PGAP6: variants seen among roughly 807,000 people sequenced by gnomAD.
PGAP6 encodes post-GPI attachment to proteins factor 6.
A neutral mutation model predicts 68.4 loss-of-function variants in PGAP6; 62 were observed. The ratio of observed to expected loss-of-function variants is 0.91; its 90% confidence interval spans 0.74 to 1.12. The LOEUF (loss-of-function observed/expected upper bound fraction) is 1.12. PGAP6 is among the 50% of genes most tolerant of loss of function. The probability of loss-of-function intolerance (pLI) is 0.00; values close to 1 mark genes in which losing one functional copy is unlikely to be tolerated. For synonymous variants in PGAP6, 575 were observed against 474.0 expected (o/e 1.21, Z -2.77); for missense variants, 1,188 against 1,068.5 (o/e 1.11, Z -1.56).
Position 378,093 on chromosome 16 carries a change from C to T in PGAP6, c.122-245G>A, listed in dbSNP as rs541076882. Among the ~76,000 whole-genome samples the T allele has an allele frequency of 3.3e-5, 5 of 152,126 alleles. No individual in the cohort carries two copies. In the South Asian group the frequency reaches 6.2e-4, roughly 19 times the overall value. ...GGCATCTGGGTCTTTTCACAGCTGC[C>T]GCCTCACTGCAGCAGCTTCCAAACA... On this transcript the variant is annotated intron_variant, in intron 1 of 12. Transcript: ENST00000431232.
chr16:374,824 C>A lies in PGAP6; in HGVS notation c.1508G>T (p.Gly503Val). ...GAGCAGGAGGCACTGGCCATAGGGT[C>A]CACAATCGTTCAAACAGGGCACCAG... ...LYLVPCLNDC[G>V]PYGQCLLLRR... The change falls in exon 9 of 13, where the codon GGA becomes GTA. Residue 503 changes from glycine to valine, a missense_variant. Gly to Val is a moderately radical substitution (Grantham distance 109). Coordinates refer to ENST00000431232, the MANE Select transcript of PGAP6 (RefSeq NM_021259.3). 1.2e-6 allele frequency: 2 copies of A among 1,613,002 alleles called. No homozygotes were observed. The highest frequency in any genetic ancestry group is 1.7e-6 in the Non-Finnish European group (2 of 1,179,958).
In PGAP6 at chr16:377,032, C is replaced by G; in HGVS notation, c.635+5G>C. On this transcript the variant is annotated splice_donor_5th_base_variant and intron_variant, in intron 4 of 12. Coordinates refer to ENST00000431232, the MANE Select transcript of PGAP6 (RefSeq NM_021259.3). ...AGCCGGGCTGCCCCCCAGGCCCCCG[C>G]TCACTTGAGGTAGCTGGGATGGGAG... 1.2e-6 allele frequency: 2 copies of G among 1,612,748 alleles called. No individual in the cohort carries two copies. Among genetic ancestry groups the G allele is most frequent in the Non-Finnish European group, 1.7e-6 (2 of 1,179,834 alleles).
rs1767754821 is a variant in PGAP6, at chr16:377,106, A to G, written c.566T>C (p.Val189Ala). The G allele has an allele frequency of 6.2e-7, 1 of 1,613,530 alleles. No homozygotes were observed. The highest frequency in any genetic ancestry group is 8.5e-7 in the Non-Finnish European group (1 of 1,180,010). The change falls in exon 4 of 13, where the codon GTC becomes GCC. Residue 189 changes from valine (V) to alanine (A), a missense_variant. Val to Ala is a moderately conservative substitution (Grantham distance 64, BLOSUM62 0). Coordinates refer to ENST00000431232, the MANE Select transcript of PGAP6 (RefSeq NM_021259.3). ...FQPELLVTRV[V>A]EISIMEPDVP... ...GTCCGGCTCCATGATGGAAATCTCG[A>G]CCACCCGCGTGACCAGCAGTTCAGG...
chr16:376,083 G>A, intron 6 of PGAP6, 53 bp downstream of exon 6: 2 of 1,518,942 alleles, frequency 1.3e-6, no homozygotes, highest in Non-Finnish European at 1.8e-6. Context: ...TGCAGGGGTT[G>A]CCCGGCGCCC....
rs200448451 is a variant in PGAP6, at chr16:374,732, G to C, written c.1576+24C>G. The C allele has an allele frequency of 8.7e-6, 14 of 1,611,626 alleles. No homozygotes were observed. The Middle Eastern group carries it at 7.1e-4, about 81-fold the overall frequency. On this transcript the variant is annotated intron_variant, in intron 9 of 12. Coordinates refer to ENST00000431232, the MANE Select transcript of PGAP6 (RefSeq NM_021259.3). ...GAAGCCAACAGCAGCAGCGTCTCGG[G>C]GCGGGCGGGGCCCTGGCACTCACCT...
Position 376,204 on chromosome 16 carries a change from T to C in PGAP6, c.1156A>G (p.Met386Val). Residue 386 changes from methionine (M) to valine (V), a missense_variant, in exon 6 of 13, where the codon ATG (methionine) becomes GTG (valine). Met to Val is a conservative substitution (Grantham distance 21, BLOSUM62 1). Coordinates refer to ENST00000431232, the MANE Select transcript of PGAP6 (RefSeq NM_021259.3). ...ATGCCGGTGTTCAGGCGCAGCCGCA[T>C]CACGGAGGGCGTGTCCGAACACACC... ...VRVCSDTPSV[M>V]RLRLNTGMDS... 6.2e-7 allele frequency: 1 copy of C among 1,612,604 alleles called. No homozygotes were observed. Among genetic ancestry groups the C allele is most frequent in the Non-Finnish European group, 8.5e-7 (1 of 1,179,952 alleles).
At chr16:377,617 C>A in intron 2 of PGAP6, 32 bp from the exon 3 acceptor site, 1 of 1,568,914 alleles carries the variant, frequency 6.4e-7, no homozygotes, top group South Asian at 1.2e-5. Flanking sequence ...CGGGTTCAGG[C>A]ACAGGGCTTG....
At chr16:379,863 G>A (rs912349813) in intron 1 of PGAP6, among the ~76,000 whole-genome samples, 9 of 152,166 alleles carry the variant, frequency 5.9e-5, no homozygotes, top group African/African-American at 1.7e-4. Flanking sequence ...GCTCTGAGCC[G>A]AGGTGACCAC....
intron 1 of PGAP6, among the ~76,000 whole-genome samples, chr16:379,862 C>T (rs770840551): frequency 1.3e-5 from 2 of 152,180 alleles, no homozygotes; most frequent in African/African-American, 4.8e-5. Flanking sequence ...TGCTCTGAGC[C>T]GAGGTGACCA....
chr16:372,070 C>T lies in PGAP6; in HGVS notation c.2233G>A (p.Glu745Lys), dbSNP rs570696511. 1.8e-4 allele frequency: 283 copies of T among 1,612,552 alleles called. 7 individuals are homozygous for T. In the South Asian group the frequency reaches 2.7e-3, roughly 16 times the overall value. Reference sequence around the variant, plus strand: ...AATTTCTGCGAGCAGGCCCAGGGCTCGGCGGGCTGGTCAGGTGGCGGCAGC... The same window carrying T: ...AATTTCTGCGAGCAGGCCCAGGGCTTGGCGGGCTGGTCAGGTGGCGGCAGC... ...LLLPPPDQPA[E>K]PWACSQKFPC... Residue 745 changes from glutamate (E) to lysine (K), a missense_variant, in exon 13 of 13, where the codon GAG becomes AAG. By Grantham distance (56) the Glu-to-Lys change is moderately conservative. Coordinates refer to ENST00000431232, the MANE Select transcript of PGAP6 (RefSeq NM_021259.3).
intron 6 of PGAP6, 105 bp from the exon 7 acceptor site, chr16:375,540 T>A: frequency 1.0e-6 from 1 of 975,514 alleles, no homozygotes; most frequent in South Asian, 1.4e-5. Context: ...TTTCTTTTTT[T>A]TTTTTTTTCT....
intron 1 of PGAP6, among the ~76,000 whole-genome samples, chr16:378,570 G>A (rs934174404): frequency 6.6e-6 from 1 of 150,448 alleles, no homozygotes; most frequent in Non-Finnish European, 1.5e-5. Context: ...GGCCAACCCA[G>A]GTCGAAGCCG....
At chr16:373,385 C>A (rs1225619467) in intron 11 of PGAP6, among the ~76,000 whole-genome samples, 1 of 152,188 alleles carries the variant, frequency 6.6e-6, no homozygotes, top group Non-Finnish European at 1.5e-5. Context: ...GCATCATTGG[C>A]CCCAAGGACC....
chr16:386,293 C>T (rs1378979893), upstream of PGAP6, among the ~76,000 whole-genome samples: 1 of 152,054 alleles, frequency 6.6e-6, no homozygotes, highest in Non-Finnish European at 1.5e-5. Flanking sequence ...CCCTGTGCAC[C>T]TCCTGCAAAT....
chr16:375,584 G>A, intron 6 of PGAP6, 149 bp from the exon 7 acceptor site: 1 of 680,354 alleles, frequency 1.5e-6, no homozygotes, highest in East Asian at 2.7e-5. Context: ...CCAGGCTGGA[G>A]GGCAGTGCCG....
chr16:382,156 T>TGGAGGGAGGGCGCG (rs2054449488), upstream of PGAP6: 1 of 335,520 alleles, frequency 3.0e-6, no homozygotes, highest in Non-Finnish European at 5.2e-6. Flanking sequence ...GGGGGGACGC[T>TGGAGGGAGGGCGCG]GGAGGGAGGG....
chr16:376,943 C>G lies in PGAP6; in HGVS notation c.635+94G>C, dbSNP rs367933156. 56 of 1,569,460 alleles carry G rather than the reference C, an allele frequency of 3.6e-5. No individual in the cohort carries two copies. In the East Asian group the frequency reaches 7.2e-4, roughly 20 times the overall value. ...CATCTGGACCACTTCCCAGCCCAAC[C>G]CCAGGACTCAGGGCCAGGCTCTCGC... is the stretch of plus-strand genomic sequence containing the variant. On this transcript the variant is annotated intron_variant, in intron 4 of 12. Transcript: ENST00000431232.
At position 375,118 on chromosome 16, in the gene PGAP6, C is replaced by T. The variant is rs759390679; in HGVS notation, c.1439+15G>A. ...CAGGGTGCCTGGCCCCCGTCTCTGC[C>T]CTAGGTTTACTTACTCAGCATTCTC... On this transcript the variant is annotated intron_variant, in intron 8 of 12. Transcript: ENST00000431232. 3.5e-5 allele frequency: 57 copies of T among 1,612,382 alleles called. No homozygotes were observed. Among genetic ancestry groups the T allele is most frequent in the Middle Eastern group, 3.3e-4 (2 of 6,078 alleles).
chr16:386,834 C>T (rs1255832300), upstream of PGAP6: 1 of 687,692 alleles, frequency 1.5e-6, no homozygotes, highest in Admixed American at 1.8e-5. Flanking sequence ...CTTTAAAGGC[C>T]AAGAAGGCAG....
Sources: gnomAD v4.1 joint callset for allele counts (sites outside exome capture counted in the v4.1 genomes callset) on GRCh38, gnomAD v4.1.1 for gene constraint, MANE v1.5 for transcripts, NCBI Gene and HGNC (gene_info 2026-07-23, HGNC 2026-07-21) for gene names.